The following KDM4A variants were observed in gnomAD, a reference collection of about 807,000 sequenced individuals.
The protein encoded by KDM4A is lysine-specific demethylase 4A.
KDM4A carries 23 observed loss-of-function variants against 127.1 expected under a neutral mutation model. That is an observed-to-expected ratio of 0.18 (90% CI 0.13 to 0.26). The LOEUF (loss-of-function observed/expected upper bound fraction) is 0.26. Ranked by LOEUF, KDM4A falls within the 10% of genes least tolerant of loss-of-function variation. KDM4A has a pLI of 1.00. For synonymous variants in KDM4A, 443 were observed against 466.5 expected (o/e 0.95, Z 0.65); for missense variants, 890 against 1,329.1 (o/e 0.67, Z 5.14).
chr1:43,668,914 G>T (rs1425672426), intron 9 of KDM4A, among the ~76,000 whole-genome samples, 186 bp from the exon 10 acceptor site: 4 of 152,224 alleles, frequency 2.6e-5, no homozygotes, highest in Admixed American at 2.6e-4. Context: ...TTTTCCAGAT[G>T]ATTGAACAAG....
chr1:43,705,484 C>T lies in KDM4A; in HGVS notation c.*1114C>T, dbSNP rs1570891527. ...ATTATTTTGAAAACTGGTGCATCAC[C>T]TTGTCCTTAGCAATAAAATGTGTTG... On this transcript the variant is annotated 3_prime_UTR_variant, in exon 22 of 22. Transcript: ENST00000372396. 1 of 152,774 alleles carries T rather than the reference C, an allele frequency of 6.5e-6. No individual in the cohort carries two copies. The highest frequency in any genetic ancestry group is 6.5e-5 in the Admixed American group (1 of 15,302). 9.5% of individuals were successfully genotyped at this position (152,774 alleles called of 1,614,324 possible). A position where few individuals can be genotyped will look rare whatever the true frequency, so the allele number is the denominator to read the frequency against.
At position 43,697,936 on chromosome 1, in the gene KDM4A, C is replaced by T. The variant is rs979091014; in HGVS notation, c.2764C>T (p.Leu922Phe). ...CTTCTACCAGTGTGAAGTGGTCAGG[C>T]TCACCACCGAGACCTTCTATGAAGT... is the stretch of plus-strand genomic sequence containing the variant. ...GRFYQCEVVR[L>F]TTETFYEVNF... The change falls in exon 19 of 22, where the codon CTC becomes TTC. Residue 922 changes from leucine to phenylalanine, a missense_variant. This residue lies in a region of KDM4A where 246 missense variants were observed against 418.4 expected (regional missense o/e 0.59). Transcript: ENST00000372396. The T allele has an allele frequency of 3.1e-6, 5 of 1,598,872 alleles. No homozygotes were observed. The highest frequency in any genetic ancestry group is 4.3e-6 in the Non-Finnish European group (5 of 1,173,284).
At chr1:43,691,698 A>G in intron 15 of KDM4A, 126 bp downstream of exon 15, 1 of 790,712 alleles carries the variant, frequency 1.3e-6, no homozygotes, top group East Asian at 2.5e-5. Context: ...GTGATGTCAG[A>G]GAGCGAGTAT....
chr1:43,691,657 T>A, intron 15 of KDM4A, 85 bp downstream of exon 15: 1 of 1,163,520 alleles, frequency 8.6e-7, no homozygotes, highest in South Asian at 1.2e-5. Context: ...GACTCAGTAT[T>A]CCCAGCAGTC....
In KDM4A at chr1:43,694,166, G is replaced by A; in HGVS notation, c.2484+64G>A. The stretch of plus-strand genomic sequence containing the variant: ...AAGTTTCTGGGTAGAAGAGAACAGG[G>A]ACCTCCTGTACCCCTTGGTTTTGGT... On this transcript the variant is annotated intron_variant, in intron 17 of 21. Transcript: ENST00000372396. The surrounding 1 kb of genome is among the most constrained non-coding windows in gnomAD (Gnocchi z 5.2). The A allele has an allele frequency of 7.7e-7, 1 of 1,297,398 alleles. No homozygotes were observed. Among genetic ancestry groups the A allele is most frequent in the South Asian group, 1.2e-5 (1 of 80,414 alleles). 80.4% of individuals were successfully genotyped at this position (1,297,398 alleles called of 1,614,324 possible). A position where few individuals can be genotyped will look rare whatever the true frequency, so the allele number is the denominator to read the frequency against.
chr1:43,699,640 A>G (rs184724747), intron 19 of KDM4A: 6 of 152,144 alleles, frequency 3.9e-5, no homozygotes, highest in Admixed American at 3.3e-4. Flanking sequence ...AAAATAATCA[A>G]TTTTTTTAGA....
chr1:43,685,836 G>A (rs1660961780), intron 12 of KDM4A, among the ~76,000 whole-genome samples: 1 of 152,146 alleles, frequency 6.6e-6, no homozygotes, highest in Non-Finnish European at 1.5e-5. Flanking sequence ...CCAGTCAGAA[G>A]TGTGGCAGGA....
rs1660415422 is a variant in KDM4A at position 43,662,839 on chromosome 1, G to C, written c.430-55G>C. ...TGACCTACTCTGATTTGTAGGTTCAGAGCCTCGGTTTCTATGCAAATGTAA... is the reference window on the plus strand; with the variant it reads ...TGACCTACTCTGATTTGTAGGTTCACAGCCTCGGTTTCTATGCAAATGTAA... On this transcript the variant is annotated intron_variant, in intron 4 of 21. Transcript: ENST00000372396. 4.0e-6 allele frequency: 6 copies of C among 1,491,926 alleles called. No individual in the cohort carries two copies. The Admixed American group carries it at 9.9e-5, about 25-fold the overall frequency. The allele number at this position is 1,491,926 out of a possible 1,614,324, so 92.4% of individuals were successfully genotyped here. A position where few individuals can be genotyped will look rare whatever the true frequency, so the allele number is the denominator to read the frequency against.
At chr1:43,663,591 C>T (rs918317573) in intron 5 of KDM4A, among the ~76,000 whole-genome samples, 4 of 151,880 alleles carry the variant, frequency 2.6e-5, no homozygotes, top group Non-Finnish European at 5.9e-5. Flanking sequence ...TCTCTCTCCT[C>T]TCTCTGTGCT....
In KDM4A at chr1:43,667,838, A is replaced by G. The variant is rs757945633; in HGVS notation, c.982A>G (p.Arg328Gly). ...GTTTGTGAGAAAGTTCCAGCCAGAA[A>G]GGTACAAACTTTGGAAAGCTGGGAA... Reference protein sequence around the residue: ...DVFVRKFQPERYKLWKAGKDN... With the variant: ...DVFVRKFQPEGYKLWKAGKDN... Residue 328 changes from arginine to glycine, a missense_variant, in exon 9 of 22, where the codon AGG becomes GGG. By Grantham distance (125) the Arg-to-Gly change is moderately radical (BLOSUM62 -2). Coordinates refer to ENST00000372396, the MANE Select transcript of KDM4A (RefSeq NM_014663.3). 27 of 1,614,062 alleles carry G rather than the reference A, an allele frequency of 1.7e-5. No homozygotes were observed. The highest frequency in any genetic ancestry group is 2.2e-5 in the Non-Finnish European group (26 of 1,180,038).
At position 43,689,188 on chromosome 1, in the gene KDM4A, T is replaced by C; in HGVS notation, c.2037+93T>C. ...AGTATATAGCTTGTCACTGGTTGTC[T>C]TGGGAAAGGCCACCTCCACCCCCAG... On this transcript the variant is annotated intron_variant, in intron 13 of 21. Coordinates refer to ENST00000372396, the MANE Select transcript of KDM4A (RefSeq NM_014663.3). The C allele has an allele frequency of 3.0e-6, 4 of 1,336,766 alleles. No homozygotes were observed. The Admixed American group carries it at 5.6e-5, about 19-fold the overall frequency. The allele number at this position is 1,336,766 out of a possible 1,614,324, so 82.8% of individuals were successfully genotyped here. A position where few individuals can be genotyped will look rare whatever the true frequency, so the allele number is the denominator to read the frequency against.
chr1:43,655,721 A>G lies in KDM4A; in HGVS notation c.269A>G (p.Lys90Arg). The change falls in exon 3 of 22, where the codon AAA (lysine) becomes AGA (arginine). Residue 90 changes from lysine to arginine, a missense_variant. Around this residue, in one of 7 missense-constraint regions of KDM4A, gnomAD observed 29 missense variants for 64.3 expected, o/e 0.45. Coordinates refer to ENST00000372396, the MANE Select transcript of KDM4A (RefSeq NM_014663.3). ...GLFTQYNIQK[K>R]AMTVREFRKI... ...TTTACTCAGTACAACATACAGAAGA[A>G]AGCCATGACTGTTCGAGAGTTCCGC... 1 of 1,613,092 alleles carries G rather than the reference A, an allele frequency of 6.2e-7. No individual in the cohort carries two copies. Among genetic ancestry groups the G allele is most frequent in the Non-Finnish European group, 8.5e-7 (1 of 1,179,568 alleles).
rs887691626 is a variant in KDM4A, at chr1:43,667,982, G to C, written c.1126G>C (p.Gly376Arg). ...EEECPEEDME[G>R]VEDGEEGDLK... ...GGAGTGCCCAGAGGAGGACATGGAA[G>C]GGGTGGAGGATGGAGAGGAAGGAGA... The change falls in exon 9 of 22, where the codon GGG becomes CGG. Residue 376 changes from glycine to arginine, a missense_variant. By Grantham distance (125) the Gly-to-Arg change is moderately radical. Coordinates refer to ENST00000372396, the MANE Select transcript of KDM4A (RefSeq NM_014663.3). 18 of 1,614,176 alleles carry C rather than the reference G, an allele frequency of 1.1e-5. No individual in the cohort carries two copies. The highest frequency in any genetic ancestry group is 1.4e-5 in the Non-Finnish European group (17 of 1,180,020).
At chr1:43,677,793 TTTATGCATC>T (rs1198238386) in intron 11 of KDM4A, among the ~76,000 whole-genome samples, 1 of 152,238 alleles carries the variant, frequency 6.6e-6, no homozygotes, top group African/African-American at 2.4e-5. Flanking sequence ...ACTTCCTACA[TTTATGCATC>T]ATTTGAATAT....
intron 16 of KDM4A, among the ~76,000 whole-genome samples, chr1:43,692,590 CGAA>C (rs1005132732): frequency 1.4e-4 from 22 of 152,252 alleles, no homozygotes; most frequent in Admixed American, 2.0e-4. Flanking sequence ...AATATGAAGA[CGAA>C]GATGATGCGC....
At chr1:43,675,371 G>A (rs773911176) in intron 11 of KDM4A, among the ~76,000 whole-genome samples, 23 of 152,204 alleles carry the variant, frequency 1.5e-4, no homozygotes, top group Admixed American at 5.9e-4. Flanking sequence ...ACGTGTTGTG[G>A]TACAAGTGGG....
At chr1:43,672,350 A>G (rs999797000) in intron 11 of KDM4A, among the ~76,000 whole-genome samples, 3 of 151,778 alleles carry the variant, frequency 2.0e-5, no homozygotes, top group Admixed American at 6.6e-5. Context: ...CACCACACCC[A>G]GCTAATTTTT....
At chr1:43,700,301 T>A (rs1414397088) in intron 19 of KDM4A, among the ~76,000 whole-genome samples, 4 of 151,738 alleles carry the variant, frequency 2.6e-5, no homozygotes, top group Non-Finnish European at 5.9e-5. Flanking sequence ...GCTAATTTTT[T>A]AATTTTTTGT....
At chr1:43,697,739 A>G (rs543100629) in intron 18 of KDM4A, 104 bp from the exon 19 acceptor site, 3 of 1,126,178 alleles carry the variant, frequency 2.7e-6, no homozygotes, top group East Asian at 2.4e-5. Context: ...TTACTTTCCC[A>G]TGCTTATCTT....
Sources: gnomAD v4.1 joint callset for allele counts (sites outside exome capture counted in the v4.1 genomes callset) on GRCh38, gnomAD v4.1.1 for gene constraint, gnomAD v4.1.1 regional missense constraint, Gnocchi (gnomAD v3.1) non-coding constraint, MANE v1.5 for transcripts, NCBI Gene and HGNC (gene_info 2026-07-23, HGNC 2026-07-21) for gene names.